Variants in UNC13C observed in about 807,000 individuals in gnomAD.
UNC13C encodes protein unc-13 homolog C.
UNC13C carries 174 observed loss-of-function variants against 245.4 expected under a neutral mutation model. The ratio of observed to expected loss-of-function variants is 0.71; its 90% confidence interval spans 0.63 to 0.80. The LOEUF (loss-of-function observed/expected upper bound fraction) is 0.80. UNC13C is among the 30% of genes least tolerant of loss of function. The probability of loss-of-function intolerance (pLI) is 0.00; values close to 1 mark genes in which losing one functional copy is unlikely to be tolerated. For synonymous variants in UNC13C, 992 were observed against 895.1 expected, an observed-to-expected ratio of 1.11 and a Z score of -1.93; for missense variants, 2,829 against 2,602.9, an observed-to-expected ratio of 1.09 and a Z score of -1.89.
At chr15:54,555,028 C>T (rs1451867065) in intron 28 of UNC13C, among the ~76,000 whole-genome samples, 1 of 151,952 alleles carries the variant, frequency 6.6e-6, no homozygotes, top group African/African-American at 2.4e-5. Flanking sequence ...TTAAAATAGA[C>T]TTTATCAGTA....
intron 2 of UNC13C, among the ~76,000 whole-genome samples, chr15:54,033,703 G>C (rs962122982): frequency 6.6e-6 from 1 of 152,168 alleles, no homozygotes; most frequent in Non-Finnish European, 1.5e-5. Flanking sequence ...AAAACCCAGA[G>C]ATATTATGTA....
chr15:53,966,293 G>A, the UNC13C span, among the ~76,000 whole-genome samples: 2 of 152,080 alleles, frequency 1.3e-5, no homozygotes, highest in Non-Finnish European at 2.9e-5. Context: ...CTATAACAAG[G>A]CACCTGATAT....
chr15:54,412,765 C>T (rs1368735616), intron 18 of UNC13C, among the ~76,000 whole-genome samples: 2 of 152,120 alleles, frequency 1.3e-5, no homozygotes, highest in African/African-American at 4.8e-5. Flanking sequence ...CCTTTGCTAT[C>T]TATATGCCTT....
the UNC13C span, among the ~76,000 whole-genome samples, chr15:53,935,060 C>T: frequency 6.6e-6 from 1 of 152,156 alleles, no homozygotes; most frequent in Non-Finnish European, 1.5e-5. Flanking sequence ...GTTTTCTCCA[C>T]ATCAACCAGG....
In UNC13C at chr15:54,455,203, CTCTATA is replaced by C. The variant is rs1319162931; in HGVS notation, c.4934-39403_4934-39398del. On this transcript the variant is annotated intron_variant, in intron 19 of 32. Coordinates refer to ENST00000260323, the MANE Select transcript of UNC13C (RefSeq NM_001080534.3). ...TCTCTCTCTCTCTCTCTCTCTCTCT[CTCTATA>C]TATATATATATATATATATATATAT... 1.4e-3 allele frequency among the ~76,000 whole-genome samples: 39 copies of C among 27,312 alleles called. 1 individual carries two copies. The highest frequency in any genetic ancestry group is 5.5e-3 in the South Asian group (2 of 364). The allele number at this position is 27,312 out of a possible 152,430, so 17.9% of individuals were successfully genotyped here. A position where few individuals can be genotyped will look rare whatever the true frequency, so the allele number is the denominator to read the frequency against.
chr15:54,384,397 A>G (rs2140904427), intron 17 of UNC13C, among the ~76,000 whole-genome samples: 1 of 152,266 alleles, frequency 6.6e-6, no homozygotes, highest in South Asian at 2.1e-4. Flanking sequence ...TTCCAGGAAC[A>G]TACACTGGGG....
At chr15:54,558,926 G>A (rs1272017227) in intron 29 of UNC13C, among the ~76,000 whole-genome samples, 1 of 151,936 alleles carries the variant, frequency 6.6e-6, no homozygotes, top group Non-Finnish European at 1.5e-5. Context: ...AGAAGACTCA[G>A]GACTGACATG....
chr15:54,580,391 T>C (rs1478409174), intron 30 of UNC13C, among the ~76,000 whole-genome samples: 1 of 152,180 alleles, frequency 6.6e-6, no homozygotes, highest in East Asian at 1.9e-4. Flanking sequence ...TCTTTAAAGG[T>C]TGGAAGCCAA....
intron 2 of UNC13C, among the ~76,000 whole-genome samples, chr15:54,138,590 G>A (rs1445859379): frequency 6.6e-6 from 1 of 152,050 alleles, no homozygotes; most frequent in Non-Finnish European, 1.5e-5. Context: ...CAAAGTCATA[G>A]AACATAATTT....
the UNC13C span, among the ~76,000 whole-genome samples, chr15:53,906,788 C>T: frequency 6.6e-6 from 1 of 152,146 alleles, no homozygotes; most frequent in Non-Finnish European, 1.5e-5. Flanking sequence ...CTCACAATTC[C>T]ACTTGGTTGG....
At position 53,981,051 on chromosome 15, in the gene UNC13C, G is replaced by A. The variant is rs117155196; in HGVS notation, c.-257+2124G>A. Among the ~76,000 whole-genome samples, 21 of 152,240 alleles carry A rather than the reference G, an allele frequency of 1.4e-4. No individual in the cohort carries two copies. The East Asian group carries it at 3.9e-3, about 28-fold the overall frequency. Reference sequence around the variant, plus strand: ...GAGGAAGGTCAGTGCAGAAGAGAACGTACTTCGTTGTCTGCTGATTTAGGG... The same window carrying A: ...GAGGAAGGTCAGTGCAGAAGAGAACATACTTCGTTGTCTGCTGATTTAGGG... On this transcript the variant is annotated intron_variant, in intron 1 of 32. Coordinates refer to ENST00000260323, the MANE Select transcript of UNC13C (RefSeq NM_001080534.3).
intron 30 of UNC13C, among the ~76,000 whole-genome samples, chr15:54,613,398 A>G (rs1900230605): frequency 6.6e-6 from 1 of 151,966 alleles, no homozygotes; most frequent in Non-Finnish European, 1.5e-5. Context: ...GAATCATAAA[A>G]TATTCATGAA....
At chr15:54,485,762 C>G (rs1007955623) in intron 19 of UNC13C, among the ~76,000 whole-genome samples, 2 of 152,168 alleles carry the variant, frequency 1.3e-5, no homozygotes, top group African/African-American at 4.8e-5. Flanking sequence ...CCTTGCATCT[C>G]TTTGAGCTTG....
chr15:53,937,721 GC>G, the UNC13C span, among the ~76,000 whole-genome samples: 1 of 152,160 alleles, frequency 6.6e-6, no homozygotes, highest in African/African-American at 2.4e-5. Flanking sequence ...GAGAGTGGGG[GC>G]CAATATTCAA....
intron 4 of UNC13C, among the ~76,000 whole-genome samples, chr15:54,229,353 G>T (rs1217457048): frequency 1.3e-5 from 2 of 152,112 alleles, no homozygotes; most frequent in Non-Finnish European, 2.9e-5. Flanking sequence ...TCTTATGAAG[G>T]TGTTTTTTGG....
At chr15:54,066,328 T>G (rs1898074163) in intron 2 of UNC13C, among the ~76,000 whole-genome samples, 1 of 152,222 alleles carries the variant, frequency 6.6e-6, no homozygotes, top group Admixed American at 6.5e-5. Context: ...CCTTCTCTGA[T>G]GAGTAATTTC....
chr15:54,200,150 G>T (rs1238727646), intron 4 of UNC13C, among the ~76,000 whole-genome samples: 1 of 151,972 alleles, frequency 6.6e-6, no homozygotes, highest in East Asian at 1.9e-4. Context: ...GTGAATATAT[G>T]TGCACCTAAC....
chr15:54,454,534 C>T (rs1344085646), intron 19 of UNC13C, among the ~76,000 whole-genome samples: 12 of 149,850 alleles, frequency 8.0e-5, no homozygotes, highest in South Asian at 2.1e-4. Context: ...GCTGAGATCA[C>T]ACCATTATAC....
chr15:53,860,541 C>G, the UNC13C span, among the ~76,000 whole-genome samples: 77 of 152,202 alleles, frequency 5.1e-4, no homozygotes, highest in African/African-American at 1.9e-3. Context: ...TTGGAAATTT[C>G]CCTCTTAGAA....
Sources: gnomAD v4.1 joint callset for allele counts (sites outside exome capture counted in the v4.1 genomes callset) on GRCh38, gnomAD v4.1.1 for gene constraint, MANE v1.5 for transcripts, NCBI Gene and HGNC (gene_info 2026-07-23, HGNC 2026-07-21) for gene names.